The following PLD5 variants were observed in gnomAD, a reference collection of about 807,000 sequenced individuals.
PLD5 encodes the protein inactive phospholipase D5.
Under a neutral mutation model 61.1 loss-of-function variants are expected in PLD5, and 36 were observed. The observed-to-expected ratio is 0.59, with a 90% confidence interval of 0.45 to 0.78. The LOEUF (loss-of-function observed/expected upper bound fraction) is 0.78, where lower values mean the gene tolerates loss of function less well. PLD5 is among the 30% of genes least tolerant of loss of function. The probability of loss-of-function intolerance (pLI) is 0.00; values close to 1 mark genes in which losing one functional copy is unlikely to be tolerated. For missense variants in PLD5, 515 were observed against 644.4 expected (o/e 0.80, Z 2.17); for synonymous variants, 243 against 242.8 (o/e 1.00, Z -0.01).
At chr1:242,346,559 C>G (rs7536459) in intron 2 of PLD5, among the ~76,000 whole-genome samples, 144,704 of 152,274 alleles carry the variant, frequency 0.95, 69,018 homozygotes, top group Non-Finnish European at 0.99. Context: ...ACTGTTCTTC[C>G]ATTGCTTTCA....
chr1:242,510,644 G>C (rs191911659), intron 1 of PLD5, among the ~76,000 whole-genome samples: 1 of 152,142 alleles, frequency 6.6e-6, no homozygotes, highest in African/African-American at 2.4e-5. Context: ...AGGAGATCGA[G>C]ACCATTCTGG....
intron 1 of PLD5, among the ~76,000 whole-genome samples, chr1:242,417,917 A>G (rs1664919556): frequency 6.6e-6 from 1 of 152,192 alleles, no homozygotes; most frequent in Admixed American, 6.5e-5. Flanking sequence ...TGAAATGGAA[A>G]ACCAAATGCT....
intron 4 of PLD5, among the ~76,000 whole-genome samples, chr1:242,258,761 A>G (rs1484591423): frequency 6.6e-6 from 1 of 152,148 alleles, no homozygotes; most frequent in Non-Finnish European, 1.5e-5. Context: ...GACAACAGTA[A>G]TGCATTCTGT....
chr1:242,084,213 G>C lies in PLD5; in HGVS notation c.*5641C>G, dbSNP rs937944996. On this transcript the variant is annotated 3_prime_UTR_variant, in exon 10 of 10. Coordinates refer to ENST00000536534, the MANE Select transcript of PLD5 (RefSeq NM_001372062.1). ...AAAAAACACGAAATTGTAGCATTCA[G>C]AAACTGCCAATAAAATCAGAATACT... 6.6e-6 allele frequency: 1 copy of C among 151,670 alleles called. No individual in the cohort carries two copies. Among genetic ancestry groups the C allele is most frequent in the South Asian group, 2.1e-4 (1 of 4,812 alleles). 9.4% of individuals were successfully genotyped at this position (151,670 alleles called of 1,614,324 possible).
intron 1 of PLD5, among the ~76,000 whole-genome samples, chr1:242,378,857 A>G (rs1218857791): frequency 1.3e-5 from 2 of 152,054 alleles, no homozygotes; most frequent in Non-Finnish European, 2.9e-5. Context: ...ATAAAACAAT[A>G]AAAAATACGT....
At chr1:242,290,944 T>C (rs899374193) in intron 2 of PLD5, among the ~76,000 whole-genome samples, 7 of 152,174 alleles carry the variant, frequency 4.6e-5, no homozygotes, top group African/African-American at 7.2e-5. Flanking sequence ...AAACTTCCTA[T>C]GGACCTCCCC....
intron 4 of PLD5, among the ~76,000 whole-genome samples, chr1:242,237,072 G>A (rs1453380552): frequency 6.6e-6 from 1 of 152,180 alleles, no homozygotes; most frequent in Admixed American, 6.5e-5. Context: ...CAGAAAGCAT[G>A]TGTGATTGTG....
intron 3 of PLD5, among the ~76,000 whole-genome samples, chr1:242,286,002 G>T (rs573701163): frequency 6.6e-6 from 1 of 151,994 alleles, no homozygotes; most frequent in African/African-American, 2.4e-5. Context: ...CCAGCTACTC[G>T]GGAGGCTGAG....
chr1:242,163,570 A>T (rs1666054010), intron 5 of PLD5, among the ~76,000 whole-genome samples: 1 of 152,190 alleles, frequency 6.6e-6, no homozygotes, highest in African/African-American at 2.4e-5. Flanking sequence ...AGGATGTTTA[A>T]TCATCATGTC....
chr1:242,325,479 G>C (rs1461209709), intron 2 of PLD5, among the ~76,000 whole-genome samples: 1 of 141,862 alleles, frequency 7.0e-6, no homozygotes, highest in Non-Finnish European at 1.5e-5. Context: ...GAGTAGGGGG[G>C]AGAGAAGGTG....
At position 242,113,983 on chromosome 1, in the gene PLD5, A is replaced by G. The variant is rs761798880; in HGVS notation, c.977T>C (p.Ile326Thr). Residue 326 changes from isoleucine (I) to threonine (T), a missense_variant, in exon 7 of 10, where the codon ATA becomes ACA. Ile to Thr is a moderately conservative substitution (Grantham distance 89). This residue lies in a region of PLD5 where 450 missense variants were observed against 598.1 expected (regional missense o/e 0.75). Transcript: ENST00000536534. ...LFCPKNRSFD[I>T]DAIYSVIDDA... is the part of the protein sequence containing the mutation. ...ATCTATCACACTGTAGATGGCATCT[A>G]TGTCAAAACTTCTGTTTTTAGGGCA... is the stretch of plus-strand genomic sequence containing the variant. 7.4e-6 allele frequency: 12 copies of G among 1,613,954 alleles called. No homozygotes were observed. Among genetic ancestry groups the G allele is most frequent in the Non-Finnish European group, 1.0e-5 (12 of 1,179,960 alleles).
rs1662543729 is a variant in PLD5, at chr1:242,123,509, C to T, written c.933+959G>A. On this transcript the variant is annotated intron_variant, in intron 6 of 9. Transcript: ENST00000536534. ...ACATTCACACTCGCTTACACTGGGACCACTCACACACACATTCACACTCGC... is the reference window on the plus strand; with the variant it reads ...ACATTCACACTCGCTTACACTGGGATCACTCACACACACATTCACACTCGC... Among the ~76,000 whole-genome samples the T allele has an allele frequency of 2.6e-5, 4 of 152,082 alleles. No individual in the cohort carries two copies. In the South Asian group the frequency reaches 8.3e-4, roughly 32 times the overall value.
At chr1:242,350,884 A>C (rs919408881) in intron 1 of PLD5, among the ~76,000 whole-genome samples, 20 of 146,004 alleles carry the variant, frequency 1.4e-4, no homozygotes, top group Admixed American at 1.2e-3. Flanking sequence ...TAAGACATGG[A>C]TTCTGTTTTA....
intron 5 of PLD5, among the ~76,000 whole-genome samples, chr1:242,131,459 A>G (rs1256920088): frequency 1.3e-5 from 2 of 152,190 alleles, no homozygotes; most frequent in African/African-American, 4.8e-5. Flanking sequence ...TCGATTGATA[A>G]CAAGAGAAGC....
At chr1:242,377,212 G>A (rs991712307) in intron 1 of PLD5, 20 of 1,611,384 alleles carry the variant, frequency 1.2e-5, no homozygotes, top group Middle Eastern at 2.2e-4. Flanking sequence ...CCACACTCCC[G>A]GCACTGGTAG....
intron 1 of PLD5, among the ~76,000 whole-genome samples, chr1:242,465,582 T>C (rs1572197245): frequency 6.6e-6 from 1 of 152,228 alleles, no homozygotes; most frequent in African/African-American, 2.4e-5. Flanking sequence ...ACTTTTATTC[T>C]CACACTTGTT....
At position 242,197,901 on chromosome 1, in the gene PLD5, T is replaced by A. The variant is rs181629299; in HGVS notation, c.735+22087A>T. 2.1e-3 allele frequency among the ~76,000 whole-genome samples: 325 copies of A among 152,296 alleles called. 1 individual carries two copies. The highest frequency in any genetic ancestry group is 0.015 in the Admixed American group (234 of 15,298). On this transcript the variant is annotated intron_variant, in intron 5 of 9. Coordinates refer to ENST00000536534, the MANE Select transcript of PLD5 (RefSeq NM_001372062.1). ...TGCCCACCTCGGTCTCCCAAAGTGC[T>A]GGGATTACAGGTAATTACACACTTA...
At chr1:242,246,974 CTTTTTTTTTTTT>C (rs74466537) in intron 4 of PLD5, among the ~76,000 whole-genome samples, 5 of 135,808 alleles carry the variant, frequency 3.7e-5, no homozygotes, top group Non-Finnish European at 6.5e-5. Flanking sequence ...TTTAGGGATT[CTTTTTTTTTTTT>C]TTTTTTTTTT....
chr1:242,137,949 A>G (rs1663871439), intron 5 of PLD5, among the ~76,000 whole-genome samples: 1 of 152,240 alleles, frequency 6.6e-6, no homozygotes, highest in African/African-American at 2.4e-5. Flanking sequence ...CTTATGGGTT[A>G]CTAAGACATG....
Sources: gnomAD v4.1 joint callset for allele counts (sites outside exome capture counted in the v4.1 genomes callset) on GRCh38, gnomAD v4.1.1 for gene constraint, gnomAD v4.1.1 regional missense constraint, MANE v1.5 for transcripts, NCBI Gene and HGNC (gene_info 2026-07-23, HGNC 2026-07-21) for gene names.